The following RPL31 variants were observed in gnomAD, a reference collection of about 807,000 sequenced individuals.
The protein encoded by RPL31 is ribosomal protein L31, also known as large ribosomal subunit protein eL31.
For missense variants in RPL31, 95 were observed against 164.0 expected (o/e 0.58, Z 2.30); for synonymous variants, 51 against 55.0 (o/e 0.93, Z 0.32).
At chr2:101,002,511 A>T in intron 1 of RPL31, 191 bp from the exon 2 acceptor site, 1 of 615,262 alleles carries the variant, frequency 1.6e-6, no homozygotes, top group Non-Finnish European at 3.0e-6. Flanking sequence ...CCGGAGCGGC[A>T]GGGATTTCCG....
At chr2:101,004,374 G>C in intron 3 of RPL31, 91 bp downstream of exon 3, 1 of 1,405,720 alleles carries the variant, frequency 7.1e-7, no homozygotes, top group Non-Finnish European at 9.8e-7. Flanking sequence ...TCAGTAATTT[G>C]GTTAATGCAT....
intron 4 of RPL31, chr2:101,018,947 C>G: frequency 6.3e-7 from 1 of 1,598,014 alleles, no homozygotes; most frequent in Non-Finnish European, 8.5e-7. Flanking sequence ...TGCTCTTCGT[C>G]TGTGTGTTAC....
intron 3 of RPL31, 22 bp from the exon 4 acceptor site, chr2:101,005,937 A>G (rs774578580): frequency 5.0e-6 from 8 of 1,603,626 alleles, no homozygotes; most frequent in Non-Finnish European, 6.0e-6. Context: ...TGACTTCAGC[A>G]ACACAATTAT....
chr2:101,004,382 CATGTGGAAGTATAAAAAAAAAA>C (rs1393638955), intron 3 of RPL31, 99 bp downstream of exon 3: 1 of 1,281,832 alleles, frequency 7.8e-7, no homozygotes, highest in Non-Finnish European at 1.1e-6. Context: ...TTGGTTAATG[CATGTGGAAGTATAAAAAAAAAA>C]AATACTGTGA....
In RPL31 at chr2:101,006,221, ACTGATCCATAT is replaced by A. The variant is rs1678728606; in HGVS notation, c.347-125_347-115del. ...GTGGGAAGATGCTAAAGAATGCAAAACTGATCCATATCTGGGATGTAAAAAGGTTGTGGAAA... is the reference window on the plus strand; with the variant it reads ...GTGGGAAGATGCTAAAGAATGCAAAACTGGGATGTAAAAAGGTTGTGGAAA... On this transcript the variant is annotated intron_variant, in intron 4 of 4. Coordinates refer to ENST00000264258, the MANE Select transcript of RPL31 (RefSeq NM_000993.5). 1.7e-5 allele frequency: 26 copies of A among 1,512,214 alleles called. 1 individual carries two copies. The highest frequency in any genetic ancestry group is 3.5e-4 in the Middle Eastern group (2 of 5,704). The allele number at this position is 1,512,214 out of a possible 1,614,324, so 93.7% of individuals were successfully genotyped here. A position where few individuals can be genotyped will look rare whatever the true frequency, so the allele number is the denominator to read the frequency against.
intron 4 of RPL31, among the ~76,000 whole-genome samples, chr2:101,017,420 T>C (rs1351178278): frequency 6.6e-6 from 1 of 152,240 alleles, no homozygotes; most frequent in African/African-American, 2.4e-5. Context: ...GCAATAGAGT[T>C]GTTTACACCA....
chr2:101,018,917 G>A, intron 4 of RPL31: 1 of 1,545,654 alleles, frequency 6.5e-7, no homozygotes, highest in South Asian at 1.2e-5. Flanking sequence ...GAAAACTGTT[G>A]ATGTCCTAAT....
chr2:101,006,357 GA>G lies in RPL31; in HGVS notation c.355del (p.Thr119GlnfsTer10). The G allele has an allele frequency of 6.2e-7, 1 of 1,610,518 alleles. No individual in the cohort carries two copies. Among genetic ancestry groups the G allele is most frequent in the Non-Finnish European group, 8.5e-7 (1 of 1,179,000 alleles). ...CTGTTACTTCCTTTACAGATCTACA[GA>G]CAGTCAATGTGGATGAGAACTAATC... ...VPVTTFKNLQ[T>X]VNVDEN On this transcript the variant is annotated frameshift_variant, in exon 5 of 5. Transcript: ENST00000264258. LOFTEE classifies it high-confidence loss of function.
rs780172797 is a variant in RPL31 at position 101,019,040 on chromosome 2, G to A, written c.*2G>A. On this transcript the variant is annotated 3_prime_UTR_variant, in exon 5 of 5. Coordinates refer to the RPL31 transcript ENST00000409028. ...GTTACAGTCGCCAAGAGCCCATAAA[G>A]GGAGCCCTCCTGGAAGTGGATGAGG... 2.2e-5 allele frequency: 35 copies of A among 1,611,254 alleles called. No individual in the cohort carries two copies. The Admixed American group carries it at 5.9e-4, about 27-fold the overall frequency.
intron 4 of RPL31, chr2:101,018,869 CA>C (rs1679846297): frequency 8.3e-7 from 1 of 1,201,374 alleles, no homozygotes; most frequent in Non-Finnish European, 1.2e-6. Flanking sequence ...ATTAACTAAG[CA>C]AAATGGCCAA....
intron 1 of RPL31, 104 bp from the exon 2 acceptor site, chr2:101,002,598 C>T (rs935465804): frequency 1.0e-5 from 10 of 967,868 alleles, no homozygotes; most frequent in Admixed American, 4.0e-5. Flanking sequence ...GCCAGACTCT[C>T]AGCACCTGGA....
At chr2:101,009,003 G>A (rs979624213), downstream of RPL31, among the ~76,000 whole-genome samples, 5 of 152,184 alleles carry the variant, frequency 3.3e-5, no homozygotes, top group Non-Finnish European at 7.3e-5. Flanking sequence ...TTTTCTCAGT[G>A]TAATCTGAGA....
In RPL31 at chr2:101,018,886, G is replaced by A. The variant is rs562555110; in HGVS notation, c.347-112G>A. ...TAACTAAGCAAAATGGCCAATATCC[G>A]TAGGTTTATCAATCTGCAGTGAAAA... On this transcript the variant is annotated intron_variant, in intron 4 of 4. Coordinates refer to the RPL31 transcript ENST00000409028. 9.4e-5 allele frequency: 131 copies of A among 1,398,800 alleles called. No individual in the cohort carries two copies. In the African/African-American group the frequency reaches 1.4e-3, roughly 15 times the overall value. The allele number at this position is 1,398,800 out of a possible 1,614,324, so 86.6% of individuals were successfully genotyped here. A position where few individuals can be genotyped will look rare whatever the true frequency, so the allele number is the denominator to read the frequency against.
At chr2:101,007,884 G>A (rs376295678), downstream of RPL31, 224 of 1,614,006 alleles carry the variant, frequency 1.4e-4, 2 homozygotes, top group African/African-American at 2.6e-3. Context: ...TTTTGAGATT[G>A]TACTGATTGA....
At chr2:101,018,009 A>G in intron 4 of RPL31, 1 of 1,396,154 alleles carries the variant, frequency 7.2e-7, no homozygotes, top group Non-Finnish European at 9.9e-7. Flanking sequence ...TTCTACTTCA[A>G]GCATGTGCTC....
In RPL31 at chr2:101,005,971, C is replaced by T; in HGVS notation, c.246C>T (p.Tyr82=). ...VWAKGIRNVP[Y]RIRVRLSRKR... ...ATGTTTTTATTAGGAATGTGCCATA[C>T]CGAATCCGTGTGCGGCTGTCCAGAA... The change falls in exon 4 of 5, where the codon TAC becomes TAT. Residue 82 remains tyrosine (Y), a synonymous_variant. Coordinates refer to ENST00000264258, the MANE Select transcript of RPL31 (RefSeq NM_000993.5). 1 of 1,612,466 alleles carries T rather than the reference C, an allele frequency of 6.2e-7. No homozygotes were observed. Among genetic ancestry groups the T allele is most frequent in the Non-Finnish European group, 8.5e-7 (1 of 1,179,876 alleles).
intron 3 of RPL31, chr2:101,005,570 A>G (rs1263130195): frequency 5.2e-6 from 1 of 192,094 alleles, no homozygotes; most frequent in African/African-American, 2.4e-5. Context: ...TCAGCCTCCC[A>G]AAGTGCTGGG....
At chr2:101,008,019 C>T (rs1448240717), downstream of RPL31, 2 of 1,614,004 alleles carry the variant, frequency 1.2e-6, no homozygotes, top group African/African-American at 1.3e-5. Context: ...TTTCTGCCGC[C>T]TCTGGAAATG....
chr2:101,016,268 T>C (rs1186648069), intron 4 of RPL31, among the ~76,000 whole-genome samples: 2 of 152,142 alleles, frequency 1.3e-5, no homozygotes, highest in African/African-American at 4.8e-5. Flanking sequence ...GCAAAGGATA[T>C]GAACAGACAC....
Sources: allele counts gnomAD v4.1 joint callset (sites outside exome capture counted in the v4.1 genomes callset), GRCh38; gene constraint gnomAD v4.1.1; transcripts MANE v1.5; gene names NCBI Gene and HGNC (gene_info 2026-07-23, HGNC 2026-07-21).